The following CDH12 variants were observed in gnomAD, a reference collection of about 807,000 sequenced individuals.
The protein encoded by CDH12 is cadherin 12.
CDH12 carries 41 observed loss-of-function variants against 74.1 expected under a neutral mutation model. That is an observed-to-expected ratio of 0.55 (90% confidence interval 0.43 to 0.72). The LOEUF (loss-of-function observed/expected upper bound fraction) is 0.72. Ranked by LOEUF, CDH12 falls within the 30% of genes least tolerant of loss-of-function variation. CDH12 has a pLI of 0.00. For missense variants in CDH12, 945 were observed against 977.2 expected, an observed-to-expected ratio of 0.97 and a Z score of 0.44; for synonymous variants, 399 against 355.0, an observed-to-expected ratio of 1.12 and a Z score of -1.39.
intron 3 of CDH12, among the ~76,000 whole-genome samples, chr5:22,283,875 C>A (rs1737024067): frequency 2.0e-5 from 3 of 151,942 alleles, no homozygotes; most frequent in Admixed American, 2.0e-4. Flanking sequence ...CATTTTGTAC[C>A]ACCAATACCT....
Position 22,607,375 on chromosome 5 carries a change from T to A in CDH12, c.-522-102011A>T, listed in dbSNP as rs374534684. 4.6e-5 allele frequency among the ~76,000 whole-genome samples: 7 copies of A among 151,402 alleles called. No homozygotes were observed. In the East Asian group the frequency reaches 7.8e-4, roughly 17 times the overall value. On this transcript the variant is annotated intron_variant, in intron 1 of 14. Coordinates refer to ENST00000382254, the MANE Select transcript of CDH12 (RefSeq NM_004061.5). Reference sequence around the variant, plus strand: ...TACCCAACACTGGGAAGAAAAAGAGTTTTAATTGGACTTACAGTTCCACAT... The same window carrying A: ...TACCCAACACTGGGAAGAAAAAGAGATTTAATTGGACTTACAGTTCCACAT...
intron 7 of CDH12, among the ~76,000 whole-genome samples, chr5:21,851,695 A>T (rs1579834238): frequency 1.3e-5 from 2 of 151,462 alleles, no homozygotes; most frequent in East Asian, 3.9e-4. Flanking sequence ...ATTTTAAAAG[A>T]ACTATTATTT....
intron 5 of CDH12, among the ~76,000 whole-genome samples, chr5:21,979,463 C>T (rs553587187): frequency 1.3e-5 from 2 of 152,272 alleles, no homozygotes; most frequent in African/African-American, 2.4e-5. Context: ...GCTCCAGCTT[C>T]AGAATGTAAG....
At chr5:22,465,002 A>AAGAG (rs143430300) in intron 2 of CDH12, among the ~76,000 whole-genome samples, 2 of 130,948 alleles carry the variant, frequency 1.5e-5, no homozygotes, top group African/African-American at 5.7e-5. Context: ...CTGTGTTAAA[A>AAGAG]AGAGAGAGAG....
At chr5:22,052,827 G>A (rs1291661355) in intron 5 of CDH12, among the ~76,000 whole-genome samples, 2 of 151,740 alleles carry the variant, frequency 1.3e-5, no homozygotes, top group African/African-American at 4.8e-5. Context: ...ATGAAAGTAG[G>A]CCAAAAAATA....
At chr5:22,827,130 G>T (rs1486248820) in intron 1 of CDH12, among the ~76,000 whole-genome samples, 1 of 152,174 alleles carries the variant, frequency 6.6e-6, no homozygotes, top group Non-Finnish European at 1.5e-5. Flanking sequence ...GGGACTTGGT[G>T]CTCTGAGTCC....
intron 1 of CDH12, among the ~76,000 whole-genome samples, chr5:22,607,354 C>G (rs754379450): frequency 6.6e-6 from 1 of 152,096 alleles, no homozygotes; most frequent in Non-Finnish European, 1.5e-5. Context: ...AAGACATACC[C>G]AACACTGGGA....
intron 3 of CDH12, among the ~76,000 whole-genome samples, chr5:22,303,877 A>T (rs1176942649): frequency 6.6e-6 from 1 of 152,142 alleles, no homozygotes; most frequent in Non-Finnish European, 1.5e-5. Flanking sequence ...GATAGCTCAG[A>T]GATCATTCCA....
At chr5:22,191,781 G>A (rs1470298788) in intron 4 of CDH12, among the ~76,000 whole-genome samples, 1 of 151,568 alleles carries the variant, frequency 6.6e-6, no homozygotes, top group South Asian at 2.1e-4. Flanking sequence ...AGCCGGGATG[G>A]TCTCGATCTC....
intron 5 of CDH12, among the ~76,000 whole-genome samples, chr5:22,059,483 T>C (rs945539435): frequency 6.6e-6 from 1 of 152,118 alleles, no homozygotes; most frequent in African/African-American, 2.4e-5. Context: ...TAAGCTGACT[T>C]AGTCAACACA....
chr5:22,287,672 G>A (rs933949430), intron 3 of CDH12, among the ~76,000 whole-genome samples: 3 of 147,058 alleles, frequency 2.0e-5, no homozygotes, highest in Non-Finnish European at 4.4e-5. Context: ...GCAGTGAGCC[G>A]AGATTGCGCC....
chr5:21,902,287 T>C lies in CDH12; in HGVS notation c.527-47497A>G, dbSNP rs575183370. 1.7e-3 allele frequency among the ~76,000 whole-genome samples: 249 copies of C among 150,330 alleles called. 2 individuals are homozygous for C. The highest frequency in any genetic ancestry group is 2.0e-3 in the Non-Finnish European group (132 of 67,606). ...AAGTATATATATTACATATGTATTATATGTATATATGTATATATGTGTATA... is the reference window on the plus strand; with the variant it reads ...AAGTATATATATTACATATGTATTACATGTATATATGTATATATGTGTATA... On this transcript the variant is annotated intron_variant, in intron 6 of 14. Transcript: ENST00000382254.
chr5:21,791,393 C>A (rs1746489198), intron 10 of CDH12, among the ~76,000 whole-genome samples: 1 of 151,992 alleles, frequency 6.6e-6, no homozygotes, highest in African/African-American at 2.4e-5. Context: ...TACAGCCTCA[C>A]AGAGTGAAAC....
chr5:22,843,833 G>A (rs2126528098), intron 1 of CDH12, among the ~76,000 whole-genome samples: 1 of 152,114 alleles, frequency 6.6e-6, no homozygotes, highest in South Asian at 2.1e-4. Flanking sequence ...TATCATGTTG[G>A]CACTGTAAAG....
At chr5:21,765,550 A>T (rs1194748857) in intron 11 of CDH12, among the ~76,000 whole-genome samples, 1 of 151,918 alleles carries the variant, frequency 6.6e-6, no homozygotes, top group African/African-American at 2.4e-5. Flanking sequence ...ACAAAAAAAA[A>T]AAAAAAGGGG....
chr5:22,081,107 G>C (rs1036050380), intron 4 of CDH12, among the ~76,000 whole-genome samples: 15 of 151,994 alleles, frequency 9.9e-5, no homozygotes, highest in Non-Finnish European at 1.9e-4. Context: ...GTGCTTACTA[G>C]AAAATTAACA....
At chr5:22,557,229 G>A (rs188592396) in intron 1 of CDH12, among the ~76,000 whole-genome samples, 66 of 152,124 alleles carry the variant, frequency 4.3e-4, no homozygotes, top group Non-Finnish European at 8.1e-4. Context: ...AGGGAAAAGG[G>A]CTAAGTTGAA....
chr5:22,663,058 G>A (rs1473979601), intron 1 of CDH12, among the ~76,000 whole-genome samples: 1 of 152,142 alleles, frequency 6.6e-6, no homozygotes, highest in African/African-American at 2.4e-5. Flanking sequence ...GGTTTACTCT[G>A]TAAATCTAGC....
At chr5:22,826,465 A>C (rs1736327094) in intron 1 of CDH12, among the ~76,000 whole-genome samples, 1 of 152,222 alleles carries the variant, frequency 6.6e-6, no homozygotes, top group Admixed American at 6.5e-5. Context: ...AAGGTACACA[A>C]AAATGTGGAA....
Sources: gnomAD v4.1 joint callset for allele counts (sites outside exome capture counted in the v4.1 genomes callset) on GRCh38, gnomAD v4.1.1 for gene constraint, MANE v1.5 for transcripts, NCBI Gene and HGNC (gene_info 2026-07-23, HGNC 2026-07-21) for gene names.